TESC: variants seen among roughly 807,000 people sequenced by gnomAD.
TESC encodes the protein calcineurin B homologous protein 3.
In TESC, 19 loss-of-function variants were observed where a neutral mutation model predicts 31.0. That is an observed-to-expected ratio of 0.61 (90% CI 0.43 to 0.90). TESC has a LOEUF of 0.90. Among genes scored for constraint, TESC ranks in the 40% least tolerant of loss-of-function variants. TESC has a pLI of 0.00. For synonymous variants in TESC, 109 were observed against 114.8 expected, an observed-to-expected ratio of 0.95 and a Z score of 0.32; for missense variants, 248 against 303.8, an observed-to-expected ratio of 0.82 and a Z score of 1.36.
intron 2 of TESC, among the ~76,000 whole-genome samples, chr12:117,063,160 A>G (rs1311549213): frequency 6.6e-6 from 1 of 152,128 alleles, no homozygotes; most frequent in African/African-American, 2.4e-5. Flanking sequence ...ACCAGAACAC[A>G]AGGCCCAGAG....
intron 6 of TESC, among the ~76,000 whole-genome samples, chr12:117,045,095 C>T (rs574859526): frequency 6.6e-5 from 10 of 152,330 alleles, no homozygotes; most frequent in East Asian, 1.9e-4. Context: ...ATGCACAGCT[C>T]GGTCTGGGTT....
intron 1 of TESC, among the ~76,000 whole-genome samples, chr12:117,075,861 A>ATG (rs1565971338): frequency 3.5e-5 from 2 of 57,004 alleles, no homozygotes. Flanking sequence ...ATATATATAT[A>ATG]TATATATATG....
In TESC at chr12:117,066,624, C is replaced by T. The variant is rs140625451; in HGVS notation, c.128+8647G>A. Among the ~76,000 whole-genome samples the T allele has an allele frequency of 4.5e-3, 692 of 152,250 alleles. 7 individuals carry two copies. Among genetic ancestry groups the T allele is most frequent in the African/African-American group, 0.015 (643 of 41,546 alleles). Reference sequence around the variant, plus strand: ...TCGTGATCCGCCCGCCTCAGCCTCCCAAAGTGCTGGGATTTCAGGCATGAG... The same window carrying T: ...TCGTGATCCGCCCGCCTCAGCCTCCTAAAGTGCTGGGATTTCAGGCATGAG... On this transcript the variant is annotated intron_variant, in intron 2 of 7. Transcript: ENST00000335209.
At position 117,096,759 on chromosome 12, in the gene TESC, G is replaced by T. The variant is rs1955401836; in HGVS notation, c.58+2466C>A. Among the ~76,000 whole-genome samples the T allele has an allele frequency of 8.5e-5, 13 of 152,166 alleles. No homozygotes were observed. The South Asian group carries it at 2.7e-3, about 31-fold the overall frequency. On this transcript the variant is annotated intron_variant, in intron 1 of 7. Coordinates refer to ENST00000335209, the MANE Select transcript of TESC (RefSeq NM_017899.4). ...TACCTGGCAAGGCCCCTGAAGCCAGGCTCCTGCCACAGCCTGAGCCCTGAC... is the reference window on the plus strand; with the variant it reads ...TACCTGGCAAGGCCCCTGAAGCCAGTCTCCTGCCACAGCCTGAGCCCTGAC...
chr12:117,042,024 A>G, intron 6 of TESC, 30 bp from the exon 7 acceptor site: 1 of 1,582,104 alleles, frequency 6.3e-7, no homozygotes, highest in Non-Finnish European at 8.6e-7. Context: ...GTGGACAGTG[A>G]GTGGCGCAGG....
chr12:117,057,291 G>A (rs1261079215), intron 2 of TESC, among the ~76,000 whole-genome samples: 2 of 152,144 alleles, frequency 1.3e-5, no homozygotes, highest in East Asian at 1.9e-4. Flanking sequence ...GTAGAGACAA[G>A]GTGTTGACAT....
intron 2 of TESC, among the ~76,000 whole-genome samples, chr12:117,063,313 G>C (rs577964959): frequency 6.6e-6 from 1 of 152,252 alleles, no homozygotes; most frequent in East Asian, 1.9e-4. Flanking sequence ...GTTAAAGAGA[G>C]AAAGAGCGAG....
intron 1 of TESC, among the ~76,000 whole-genome samples, chr12:117,083,001 G>A (rs1955169221): frequency 6.6e-6 from 1 of 151,540 alleles, no homozygotes; most frequent in East Asian, 1.9e-4. Flanking sequence ...GATTTAAATG[G>A]TACAACCACC....
intron 6 of TESC, among the ~76,000 whole-genome samples, chr12:117,043,273 G>A (rs1954511205): frequency 6.6e-6 from 1 of 151,966 alleles, no homozygotes; most frequent in Non-Finnish European, 1.5e-5. Context: ...CCACCGAGAG[G>A]GAGTCCCTTT....
At chr12:117,089,308 G>C (rs142209418) in intron 1 of TESC, among the ~76,000 whole-genome samples, 31 of 152,310 alleles carry the variant, frequency 2.0e-4, no homozygotes, top group Non-Finnish European at 3.5e-4. Context: ...CACTGTGTAA[G>C]GCTCTTCTAA....
intron 2 of TESC, among the ~76,000 whole-genome samples, chr12:117,061,242 C>T (rs1281866840): frequency 2.6e-5 from 4 of 152,188 alleles, no homozygotes; most frequent in Non-Finnish European, 5.9e-5. Context: ...GTCCTCAGTG[C>T]CTTGCACTGC....
At chr12:117,051,691 A>G (rs1954649700) in intron 3 of TESC, among the ~76,000 whole-genome samples, 1 of 152,158 alleles carries the variant, frequency 6.6e-6, no homozygotes, top group African/African-American at 2.4e-5. Flanking sequence ...GCATGGGTGA[A>G]AATGTGATAG....
intron 1 of TESC, among the ~76,000 whole-genome samples, chr12:117,081,225 C>A (rs1245850960): frequency 1.3e-5 from 2 of 152,140 alleles, no homozygotes; most frequent in African/African-American, 4.8e-5. Context: ...GAAGTGGAAA[C>A]CACACACCAG....
intron 7 of TESC, 108 bp from the exon 8 acceptor site, chr12:117,039,318 G>T: frequency 4.6e-6 from 5 of 1,077,944 alleles, no homozygotes; most frequent in Admixed American, 2.0e-5. Flanking sequence ...GCCACCAACT[G>T]TGATGTTCCA....
At position 117,046,852 on chromosome 12, in the gene TESC, G is replaced by T; in HGVS notation, c.350-14C>A. On this transcript the variant is annotated splice_polypyrimidine_tract_variant and intron_variant, in intron 4 of 7. Transcript: ENST00000335209. Reference sequence around the variant, plus strand: ...TGTGGAACAGAACTAGGGTGGCAGGGGAGAGAGGGGACTCCGTCAGGCGGG... The same window carrying T: ...TGTGGAACAGAACTAGGGTGGCAGGTGAGAGAGGGGACTCCGTCAGGCGGG... 3 of 1,561,618 alleles carry T rather than the reference G, an allele frequency of 1.9e-6. No homozygotes were observed. Among genetic ancestry groups the T allele is most frequent in the Non-Finnish European group, 2.6e-6 (3 of 1,153,070 alleles).
chr12:117,064,773 G>A (rs557518650), intron 2 of TESC, among the ~76,000 whole-genome samples: 1 of 152,322 alleles, frequency 6.6e-6, no homozygotes, highest in Admixed American at 6.5e-5. Flanking sequence ...CATTTGAGCA[G>A]AGACCTGAAG....
intron 6 of TESC, 165 bp downstream of exon 6, chr12:117,046,392 GTC>G (rs2135748889): frequency 1.5e-6 from 1 of 662,138 alleles, no homozygotes; most frequent in Admixed American, 3.0e-5. Flanking sequence ...TGGACCTTCA[GTC>G]TCCTGGGGGA....
chr12:117,046,794 G>C lies in TESC; in HGVS notation c.394C>G (p.Leu132Val), dbSNP rs1406341196. Residue 132 changes from leucine (L) to valine (V), a missense_variant, in exon 5 of 8, where the codon CTG becomes GTG. Coordinates refer to ENST00000335209, the MANE Select transcript of TESC (RefSeq NM_017899.4). The stretch of plus-strand genomic sequence containing the variant: ...TACTTTACATTTCGATATTCTTCCA[G>C]AGTGATGCGGCCGTCGCTGTCCGAG... Reference protein sequence around the residue: ...YDSDSDGRITLEEYRNVVEEL... With the variant: ...YDSDSDGRITVEEYRNVVEEL... 1 of 1,567,804 alleles carries C rather than the reference G, an allele frequency of 6.4e-7. No individual in the cohort carries two copies. The highest frequency in any genetic ancestry group is 2.3e-5 in the East Asian group (1 of 42,690).
chr12:117,075,897 A>ATATATATATATATGTGTG (rs1245972388), intron 1 of TESC, among the ~76,000 whole-genome samples: 1 of 66,396 alleles, frequency 1.5e-5, no homozygotes, highest in Non-Finnish European at 2.9e-5. Flanking sequence ...ATATATATAT[A>ATATATATATATATGTGTG]TATATATATA....
Sources: allele counts gnomAD v4.1 joint callset (sites outside exome capture counted in the v4.1 genomes callset), GRCh38; gene constraint gnomAD v4.1.1; transcripts MANE v1.5; gene names NCBI Gene and HGNC (gene_info 2026-07-23, HGNC 2026-07-21).